MAPRE2: variants seen among roughly 807,000 people sequenced by gnomAD.
The protein encoded by MAPRE2 is microtubule-associated protein RP/EB family member 2.
Under a neutral mutation model 43.2 loss-of-function variants are expected in MAPRE2, and 13 were observed. That is an observed-to-expected ratio of 0.30 (90% confidence interval 0.20 to 0.48). MAPRE2 has a LOEUF of 0.48. Ranked by LOEUF, MAPRE2 falls within the 20% of genes least tolerant of loss-of-function variation. The probability of loss-of-function intolerance (pLI) is 0.99; values close to 1 mark genes in which losing one functional copy is unlikely to be tolerated. For missense variants in MAPRE2, 161 were observed against 400.2 expected, an observed-to-expected ratio of 0.40 and a Z score of 5.10; for synonymous variants, 135 against 148.8, an observed-to-expected ratio of 0.91 and a Z score of 0.68.
chr18:34,989,317 T>G (rs607096), intron 1 of MAPRE2, among the ~76,000 whole-genome samples: 38,643 of 152,110 alleles, frequency 0.25, 4,948 homozygotes, highest in African/African-American at 0.26. Flanking sequence ...TGTCTCTAGC[T>G]TTGGGGTCTT....
At position 35,140,460 on chromosome 18, in the gene MAPRE2, C is replaced by A. The variant is rs1910584246; in HGVS notation, c.*91C>A. ...TGTGTGGCCCCAAGCTCAACAGAAA[C>A]CAGTTGTTCCCAATCTGCCGTTACC... On this transcript the variant is annotated 3_prime_UTR_variant, in exon 7 of 7. Transcript: ENST00000300249. 1.6e-6 allele frequency: 2 copies of A among 1,217,926 alleles called. No individual in the cohort carries two copies. The highest frequency in any genetic ancestry group is 2.8e-5 in the South Asian group (2 of 72,586). 75.4% of individuals were successfully genotyped at this position (1,217,926 alleles called of 1,614,324 possible). A position where few individuals can be genotyped will look rare whatever the true frequency, so the allele number is the denominator to read the frequency against.
intron 2 of MAPRE2, chr18:35,070,659 C>T (rs1230413992): frequency 5.9e-6 from 1 of 170,006 alleles, no homozygotes; most frequent in Non-Finnish European, 1.3e-5. Context: ...TTACAACACT[C>T]CTCCTTTAAA....
At chr18:35,057,507 C>CGTGCGTGTGT (rs369602242) in intron 1 of MAPRE2, among the ~76,000 whole-genome samples, 1 of 149,520 alleles carries the variant, frequency 6.7e-6, no homozygotes, top group African/African-American at 2.5e-5. Flanking sequence ...GGAGTGTGTG[C>CGTGCGTGTGT]GTGTGTGTGT....
At chr18:35,093,695 CAT>C (rs1569000888) in intron 2 of MAPRE2, among the ~76,000 whole-genome samples, 1 of 152,130 alleles carries the variant, frequency 6.6e-6, no homozygotes, top group Non-Finnish European at 1.5e-5. Context: ...TGATCTTCCT[CAT>C]GTGGAATCTG....
intron 1 of MAPRE2, among the ~76,000 whole-genome samples, chr18:34,981,657 G>C (rs1252661908): frequency 1.3e-5 from 2 of 152,036 alleles, no homozygotes; most frequent in African/African-American, 4.8e-5. Context: ...AATTACACAA[G>C]TGAATCCAAT....
Position 34,988,076 on chromosome 18 carries a change from G to GT in MAPRE2, c.-70+11002dup, listed in dbSNP as rs1467311509. On this transcript the variant is annotated intron_variant, in intron 1 of 7. Transcript: ENST00000413393. ...CTCAGATCACCAGCAAATCTCTTTT[G>GT]TTTTTCATTTTATTATTGTAACTTA... 5.3e-5 allele frequency among the ~76,000 whole-genome samples: 8 copies of GT among 152,186 alleles called. No homozygotes were observed. In the East Asian group the frequency reaches 1.5e-3, roughly 29 times the overall value.
At chr18:35,066,616 G>A (rs1906850816) in intron 1 of MAPRE2, among the ~76,000 whole-genome samples, 1 of 152,216 alleles carries the variant, frequency 6.6e-6, no homozygotes, top group African/African-American at 2.4e-5. Context: ...AAGCATACCT[G>A]TAGAAAAAGC....
At chr18:35,035,932 A>C (rs1473096415) in intron 2 of MAPRE2, among the ~76,000 whole-genome samples, 2 of 142,552 alleles carry the variant, frequency 1.4e-5, no homozygotes, top group Non-Finnish European at 3.0e-5. Context: ...TGTGTCTCCA[A>C]GTCAAACACA....
chr18:35,129,551 A>G (rs1910055702), intron 5 of MAPRE2, among the ~76,000 whole-genome samples: 1 of 152,262 alleles, frequency 6.6e-6, no homozygotes, highest in Non-Finnish European at 1.5e-5. Context: ...AAGATTTAGG[A>G]AAAGTCATAA....
At chr18:35,010,435 G>A (rs2097033964) in intron 2 of MAPRE2, among the ~76,000 whole-genome samples, 1 of 152,182 alleles carries the variant, frequency 6.6e-6, no homozygotes, top group South Asian at 2.1e-4. Context: ...CTTCAAAGTA[G>A]AGATGTAATA....
chr18:35,128,976 A>T (rs1471609288), intron 5 of MAPRE2, among the ~76,000 whole-genome samples: 1 of 152,132 alleles, frequency 6.6e-6, no homozygotes, highest in Non-Finnish European at 1.5e-5. Context: ...GGGAACTCAG[A>T]CCTCTAAAAT....
At chr18:35,026,371 A>G (rs372974890) in intron 2 of MAPRE2, among the ~76,000 whole-genome samples, 310 of 152,328 alleles carry the variant, frequency 2.0e-3, no homozygotes, top group African/African-American at 4.8e-3. Context: ...GTCTAAACCA[A>G]TGGCCGCAAC....
At chr18:35,034,205 G>A (rs1251165862) in intron 2 of MAPRE2, among the ~76,000 whole-genome samples, 4 of 151,814 alleles carry the variant, frequency 2.6e-5, no homozygotes, top group Admixed American at 6.6e-5. Flanking sequence ...CAGAAATAAC[G>A]CCACATATCT....
At chr18:35,095,590 G>C (rs564344067) in intron 2 of MAPRE2, among the ~76,000 whole-genome samples, 2 of 150,194 alleles carry the variant, frequency 1.3e-5, no homozygotes, top group East Asian at 3.9e-4. Context: ...TGGTTGGTTG[G>C]TTTGTAAGAG....
chr18:35,093,810 A>G (rs1025813526), intron 2 of MAPRE2, among the ~76,000 whole-genome samples: 1 of 152,150 alleles, frequency 6.6e-6, no homozygotes, highest in African/African-American at 2.4e-5. Flanking sequence ...AGTGGGTACA[A>G]AGTTACAGTT....
At chr18:34,994,496 G>A (rs921298354) in intron 1 of MAPRE2, among the ~76,000 whole-genome samples, 4 of 152,002 alleles carry the variant, frequency 2.6e-5, no homozygotes, top group Admixed American at 2.6e-4. Flanking sequence ...AGCAAAAAAG[G>A]CCTTGGCAGG....
chr18:35,013,496 A>G (rs1367634183), intron 2 of MAPRE2, among the ~76,000 whole-genome samples: 1 of 152,230 alleles, frequency 6.6e-6, no homozygotes, highest in African/African-American at 2.4e-5. Flanking sequence ...TCCATCATGT[A>G]AAATATTTAT....
chr18:34,991,640 A>G (rs1299913376), intron 1 of MAPRE2, among the ~76,000 whole-genome samples: 1 of 152,124 alleles, frequency 6.6e-6, no homozygotes, highest in Non-Finnish European at 1.5e-5. Flanking sequence ...AGTTAGGTTC[A>G]TCTCTTTTGT....
rs1261676 is a variant in MAPRE2, at chr18:35,102,405, C to T, written c.610+246C>T. Among the ~76,000 whole-genome samples, 150,690 of 152,356 alleles carry T rather than the reference C, an allele frequency of 0.99. 74,526 individuals are homozygous for T. Among genetic ancestry groups the T allele is most frequent in the East Asian group, 1 (5,186 of 5,186 alleles). ...ATTTGCATTGTATCACTGAAGCTGGCAGTGAAAATAATGCTCCCAGGATAG... is the reference window on the plus strand; with the variant it reads ...ATTTGCATTGTATCACTGAAGCTGGTAGTGAAAATAATGCTCCCAGGATAG... On this transcript the variant is annotated intron_variant, in intron 4 of 6. Transcript: ENST00000300249.
Sources: gnomAD v4.1 joint callset for allele counts (sites outside exome capture counted in the v4.1 genomes callset) on GRCh38, gnomAD v4.1.1 for gene constraint, MANE v1.5 for transcripts, NCBI Gene and HGNC (gene_info 2026-07-23, HGNC 2026-07-21) for gene names.